UNC45B: variants seen among roughly 807,000 people sequenced by gnomAD.
UNC45B encodes the protein unc-45 myosin chaperone B.
A neutral mutation model predicts 98.7 loss-of-function variants in UNC45B; 78 were observed. The observed-to-expected ratio is 0.79, with a 90% CI of 0.66 to 0.95. The LOEUF (loss-of-function observed/expected upper bound fraction) is 0.95, where lower values mean the gene tolerates loss of function less well. UNC45B is among the 40% of genes least tolerant of loss of function. UNC45B has a pLI of 0.00. For synonymous variants in UNC45B, 462 were observed against 480.4 expected (o/e 0.96, Z 0.50); for missense variants, 1,225 against 1,184.9 (o/e 1.03, Z -0.50).
chr17:35,151,834 C>T (rs1313546970), intron 4 of UNC45B, among the ~76,000 whole-genome samples: 1 of 152,204 alleles, frequency 6.6e-6, no homozygotes, highest in Non-Finnish European at 1.5e-5. Context: ...TGTGGTGGCT[C>T]ACGCCTGTAA....
At chr17:35,175,066 A>G (rs1597928387) in intron 14 of UNC45B, among the ~76,000 whole-genome samples, 1 of 106,376 alleles carries the variant, frequency 9.4e-6, no homozygotes. Context: ...GAAAGAAGAA[A>G]GAAAGAAAGA....
At position 35,189,325 on chromosome 17, in the gene UNC45B, G is replaced by T. The variant is rs1215852743; in HGVS notation, c.*2766G>T. ...TCATTTGTGAAAGGTAAATAATAAA[G>T]AATTTCTGTTCCTAGTAAGAGTAAC... On this transcript the variant is annotated 3_prime_UTR_variant, in exon 20 of 20. Coordinates refer to ENST00000394570, the MANE Select transcript of UNC45B (RefSeq NM_001267052.2). 1 of 152,068 alleles carries T rather than the reference G, an allele frequency of 6.6e-6. No homozygotes were observed. Among genetic ancestry groups the T allele is most frequent in the Non-Finnish European group, 1.5e-5 (1 of 68,000 alleles). The allele number at this position is 152,068 out of a possible 1,614,324, so 9.4% of individuals were successfully genotyped here.
chr17:35,148,878 A>G, intron 2 of UNC45B, 95 bp from the exon 3 acceptor site: 1 of 1,496,480 alleles, frequency 6.7e-7, no homozygotes, highest in African/African-American at 1.4e-5. Flanking sequence ...CAGCTCCCCC[A>G]GGAAACCCTC....
chr17:35,175,602 G>A (rs2092226945), intron 14 of UNC45B, among the ~76,000 whole-genome samples: 2 of 152,148 alleles, frequency 1.3e-5, no homozygotes, highest in African/African-American at 4.8e-5. Context: ...TCTGGGGCAG[G>A]GAATCCATAG....
chr17:35,157,392 G>A (rs2092071352), intron 7 of UNC45B, among the ~76,000 whole-genome samples: 1 of 152,030 alleles, frequency 6.6e-6, no homozygotes, highest in Non-Finnish European at 1.5e-5. Context: ...AGTAGAGACG[G>A]GGTTTTACCA....
In UNC45B at chr17:35,161,766, C is replaced by T. The variant is rs544535459; in HGVS notation, c.979+2221C>T. Among the ~76,000 whole-genome samples the T allele has an allele frequency of 8.5e-5, 13 of 152,228 alleles. No homozygotes were observed. In the East Asian group the frequency reaches 2.5e-3, roughly 29 times the overall value. ...GAATGTCAGAATGGGGGCTGGTTGC[C>T]AGGGGAAACAACCATGCAATTACAG... On this transcript the variant is annotated intron_variant, in intron 8 of 19. Transcript: ENST00000394570.
Position 35,159,380 on chromosome 17 carries a change from A to G in UNC45B, c.814A>G (p.Lys272Glu). 1 of 1,612,244 alleles carries G rather than the reference A, an allele frequency of 6.2e-7. No homozygotes were observed. ...GKEEALVLDT[K>E]KDLKQITSHL... ...CCCGTCCTCTTTTTCTTCAGACACC[A>G]AGAAGGACCTGAAGCAGATCACCAG... The change falls in exon 8 of 20, where the codon AAG (lysine) becomes GAG (glutamate). Residue 272 changes from lysine (K) to glutamate (E), a missense_variant. By Grantham distance (56) the Lys-to-Glu change is moderately conservative. Coordinates refer to ENST00000394570, the MANE Select transcript of UNC45B (RefSeq NM_001267052.2).
Position 35,153,000 on chromosome 17 carries a change from C to A in UNC45B, c.471+18C>A. Reference sequence around the variant, plus strand: ...GGGAAAAGGTGAGTGCTGGCCAGTGCCATCCAGCCAGCAGAAGGACCCGCC... The same window carrying A: ...GGGAAAAGGTGAGTGCTGGCCAGTGACATCCAGCCAGCAGAAGGACCCGCC... On this transcript the variant is annotated intron_variant, in intron 5 of 19. Transcript: ENST00000394570. The A allele has an allele frequency of 6.4e-7, 1 of 1,552,808 alleles. No individual in the cohort carries two copies. The highest frequency in any genetic ancestry group is 1.2e-5 in the South Asian group (1 of 85,788).
In UNC45B at chr17:35,168,360, T is replaced by A. The variant is rs143843347; in HGVS notation, c.1451T>A (p.Val484Glu). Reference sequence around the variant, plus strand: ...GAGAAGATCAAGATCCGCACACTGGTGGTGAGTGGGCTCGGTACCACCCTC... The same window carrying A: ...GAGAAGATCAAGATCCGCACACTGGAGGTGAGTGGGCTCGGTACCACCCTC... ...KNEKIKIRTLVGLCKLGSAGG... is the reference protein window; with the variant it reads ...KNEKIKIRTLEGLCKLGSAGG... Residue 484 changes from valine (V) to glutamate (E), a missense_variant and splice_region_variant, in exon 10 of 20, where the codon GTG becomes GAG. Physicochemically the swap from Val to Glu is moderately radical, Grantham distance 121. Coordinates refer to ENST00000394570, the MANE Select transcript of UNC45B (RefSeq NM_001267052.2). 7.5e-7 allele frequency: 1 copy of A among 1,341,424 alleles called. No individual in the cohort carries two copies. The highest frequency in any genetic ancestry group is 2.5e-5 in the South Asian group (1 of 40,122). 83.1% of individuals were successfully genotyped at this position (1,341,424 alleles called of 1,614,324 possible).
Position 35,186,162 on chromosome 17 carries a change from A to G in UNC45B, c.2530-137A>G, listed in dbSNP as rs115167481. 2,624 of 1,139,786 alleles carry G rather than the reference A, an allele frequency of 2.3e-3. 38 individuals are homozygous for G. The African/African-American group carries it at 0.032, about 14-fold the overall frequency. The allele number at this position is 1,139,786 out of a possible 1,614,324, so 70.6% of individuals were successfully genotyped here. ...ACACATTCCTGTGACAGCAACATTA[A>G]TTCCTCTTAATGACCTAATTACCTC... is the stretch of plus-strand genomic sequence containing the variant. On this transcript the variant is annotated intron_variant, in intron 19 of 19. Coordinates refer to ENST00000394570, the MANE Select transcript of UNC45B (RefSeq NM_001267052.2).
Position 35,155,345 on chromosome 17 carries a change from T to C in UNC45B, c.689T>C (p.Met230Thr), listed in dbSNP as rs545421166. Residue 230 changes from methionine (M) to threonine (T), a missense_variant, in exon 7 of 20, where the codon ATG becomes ACG. Transcript: ENST00000394570. Reference sequence around the variant, plus strand: ...CGGATAGACCGAATCTGTAGCCTCATGGCCGTGGAGAATGAGGAGATGTCT... The same window carrying C: ...CGGATAGACCGAATCTGTAGCCTCACGGCCGTGGAGAATGAGGAGATGTCT... ...AVRIDRICSL[M>T]AVENEEMSLA... 63 of 1,614,228 alleles carry C rather than the reference T, an allele frequency of 3.9e-5. 1 individual carries two copies. The South Asian group carries it at 6.3e-4, about 16-fold the overall frequency.
rs2092005656 is a variant in UNC45B, at chr17:35,150,073, C to A, written c.231C>A (p.Ile77=). The A allele has an allele frequency of 1.2e-6, 2 of 1,610,644 alleles. No homozygotes were observed. The highest frequency in any genetic ancestry group is 1.7e-5 in the Admixed American group (1 of 59,588). The change falls in exon 4 of 20, where the codon ATC becomes ATA. Residue 77 remains isoleucine, a synonymous_variant. Coordinates refer to ENST00000394570, the MANE Select transcript of UNC45B (RefSeq NM_001267052.2). ...SRAIDINSSD[I]KALYRRCQAL... Reference sequence around the variant, plus strand: ...CCATCGACATCAACTCCTCGGACATCAAGGCTCTGTATCGGCGATGCCAGG... The same window carrying A: ...CCATCGACATCAACTCCTCGGACATAAAGGCTCTGTATCGGCGATGCCAGG...
rs781383607 is a variant in UNC45B, at chr17:35,186,888, T to C, written c.*329T>C. 3 of 244,480 alleles carry C rather than the reference T, an allele frequency of 1.2e-5. No individual in the cohort carries two copies. The highest frequency in any genetic ancestry group is 1.6e-5 in the Non-Finnish European group (2 of 124,128). The allele number at this position is 244,480 out of a possible 1,614,324, so 15.1% of individuals were successfully genotyped here. A position where few individuals can be genotyped will look rare whatever the true frequency, so the allele number is the denominator to read the frequency against. ...GGCCAGGATAATAGGTTGAAGTTCTTTATATTTTGGAAAATGGATTTTGTG... is the reference window on the plus strand; with the variant it reads ...GGCCAGGATAATAGGTTGAAGTTCTCTATATTTTGGAAAATGGATTTTGTG... On this transcript the variant is annotated 3_prime_UTR_variant, in exon 20 of 20. Coordinates refer to ENST00000394570, the MANE Select transcript of UNC45B (RefSeq NM_001267052.2).
intron 5 of UNC45B, among the ~76,000 whole-genome samples, chr17:35,153,762 T>C (rs2092038499): frequency 6.6e-6 from 1 of 151,928 alleles, no homozygotes; most frequent in Non-Finnish European, 1.5e-5. Context: ...GTGATGGTTC[T>C]GGTCACGCTT....
rs576235278 is a variant in UNC45B at position 35,176,148 on chromosome 17, C to T, written c.2025+114C>T. ...CTCCTGGAATACGGCCACCAGTTATCTGCGCTGTCTGTGCTCATAGCCCCA... is the reference window on the plus strand; with the variant it reads ...CTCCTGGAATACGGCCACCAGTTATTTGCGCTGTCTGTGCTCATAGCCCCA... On this transcript the variant is annotated intron_variant, in intron 15 of 19. Transcript: ENST00000394570. 9.0e-5 allele frequency: 91 copies of T among 1,010,318 alleles called. No individual in the cohort carries two copies. In the East Asian group the frequency reaches 1.6e-3, roughly 18 times the overall value. 62.6% of individuals were successfully genotyped at this position (1,010,318 alleles called of 1,614,324 possible). A position where few individuals can be genotyped will look rare whatever the true frequency, so the allele number is the denominator to read the frequency against.
chr17:35,151,582 G>A (rs1042154461), intron 4 of UNC45B, among the ~76,000 whole-genome samples: 3 of 152,086 alleles, frequency 2.0e-5, no homozygotes, highest in African/African-American at 2.4e-5. Context: ...GTTTTTGTGG[G>A]GCATCTCTTG....
In UNC45B at chr17:35,184,807, G is replaced by A. The variant is rs550554331; in HGVS notation, c.2529+1225G>A. 8.1e-4 allele frequency among the ~76,000 whole-genome samples: 124 copies of A among 152,226 alleles called. 1 individual carries two copies. Among genetic ancestry groups the A allele is most frequent in the Non-Finnish European group, 1.6e-3 (111 of 68,008 alleles). ...GCTCAGACATCTTGGCTGCATTTTT[G>A]TTCTGACATGGGGCTTCCTGGGGAC... is the stretch of plus-strand genomic sequence containing the variant. On this transcript the variant is annotated intron_variant, in intron 19 of 19. Coordinates refer to ENST00000394570, the MANE Select transcript of UNC45B (RefSeq NM_001267052.2).
intron 14 of UNC45B, among the ~76,000 whole-genome samples, chr17:35,175,032 G>C (rs1181659850): frequency 1.6e-5 from 1 of 62,498 alleles, no homozygotes; most frequent in Non-Finnish European, 2.9e-5. Flanking sequence ...GAAGGAGAGA[G>C]AGGAAAGAAG....
chr17:35,176,352 A>G (rs1262279935), intron 15 of UNC45B, among the ~76,000 whole-genome samples: 2 of 152,076 alleles, frequency 1.3e-5, no homozygotes, highest in African/African-American at 4.8e-5. Flanking sequence ...AAAATACTTA[A>G]TCTCCCAGCC....
Sources: allele counts gnomAD v4.1 joint callset (sites outside exome capture counted in the v4.1 genomes callset), GRCh38; gene constraint gnomAD v4.1.1; transcripts MANE v1.5; gene names NCBI Gene and HGNC (gene_info 2026-07-23, HGNC 2026-07-21).